NPIPB11: variants seen among roughly 807,000 people sequenced by gnomAD.
NPIPB11 encodes the protein nuclear pore complex-interacting protein family member B11.
A neutral mutation model predicts 32.8 loss-of-function variants in NPIPB11; 17 were observed. That is an observed-to-expected ratio of 0.52 (90% confidence interval 0.35 to 0.78). The LOEUF is 0.78. Ranked by LOEUF, NPIPB11 falls within the 30% of genes least tolerant of loss-of-function variation. The pLI is 0.01. For synonymous variants in NPIPB11, 209 were observed against 398.4 expected, an observed-to-expected ratio of 0.52 and a Z score of 5.66; for missense variants, 537 against 1,000.4, an observed-to-expected ratio of 0.54 and a Z score of 6.25.
chr16:29,395,921 T>C lies in NPIPB11; in HGVS notation c.121-1845A>G, dbSNP rs1963842242. On this transcript the variant is annotated intron_variant, in intron 2 of 7. Coordinates refer to ENST00000524087, the Ensembl canonical transcript of NPIPB11. ...TGAACCCGGGAGGCAGAGGTTGCAGTGAGCCGAGATTGCACCACTGCACTT... is the reference window on the plus strand; with the variant it reads ...TGAACCCGGGAGGCAGAGGTTGCAGCGAGCCGAGATTGCACCACTGCACTT... Among the ~76,000 whole-genome samples, 4 of 150,210 alleles carry C rather than the reference T, an allele frequency of 2.7e-5. No homozygotes were observed. The South Asian group carries it at 8.5e-4, about 32-fold the overall frequency.
intron 3 of NPIPB11, among the ~76,000 whole-genome samples, chr16:29,393,517 CT>C (rs1346158826): frequency 6.6e-6 from 1 of 151,968 alleles, no homozygotes; most frequent in African/African-American, 2.4e-5. Context: ...ATGTTTATGC[CT>C]GTTCTATGTT....
At position 29,382,254 on chromosome 16, in the gene NPIPB11, G is replaced by A. The variant is rs561337251; in HGVS notation, c.2678C>T (p.Ala893Val). ...GGAAGGTGTCTTGAGATTATCATCC[G>A]CTGAGGGTGGAAGCGGAACCCACAG... is the stretch of plus-strand genomic sequence containing the variant. The change falls in exon 8 of 8, where the codon GCG (alanine) becomes GTG (valine). Residue 893 changes from alanine (A) to valine (V), a missense_variant. Ala to Val is a moderately conservative substitution (Grantham distance 64). Coordinates refer to ENST00000524087, the Ensembl canonical transcript of NPIPB11. 3.9e-5 allele frequency: 62 copies of A among 1,602,206 alleles called. 1 individual carries two copies. The highest frequency in any genetic ancestry group is 2.3e-4 in the Middle Eastern group (1 of 4,416).
intron 2 of NPIPB11, among the ~76,000 whole-genome samples, 187 bp from the exon 3 acceptor site, chr16:29,394,263 G>T (rs1195678033): frequency 6.6e-6 from 1 of 152,030 alleles, no homozygotes; most frequent in African/African-American, 2.4e-5. Context: ...CAGATGGCTG[G>T]TAGTGTTTTC....
intron 2 of NPIPB11, chr16:29,397,695 C>T (rs550168630): frequency 1.6e-6 from 1 of 634,652 alleles, no homozygotes; most frequent in Admixed American, 2.6e-5. Flanking sequence ...GTGGAGGTGG[C>T]TTAGGGCAGG....
intron 2 of NPIPB11, chr16:29,397,557 C>G (rs576304928): frequency 2.6e-6 from 4 of 1,526,500 alleles, no homozygotes; most frequent in African/African-American, 2.8e-5. Context: ...GAGGGTCCAG[C>G]GTCTACTCAC....
At chr16:29,401,354 T>A (rs1215068118) in intron 2 of NPIPB11, among the ~76,000 whole-genome samples, 1 of 152,128 alleles carries the variant, frequency 6.6e-6, no homozygotes, top group African/African-American at 2.4e-5. Context: ...AGTCAGAGAT[T>A]TACTGACTCA....
exon 8 of NPIPB11, chr16:29,382,161 G>C (rs1963507793): frequency 2.0e-6 from 1 of 495,490 alleles, no homozygotes; most frequent in Non-Finnish European, 3.4e-6. Flanking sequence ...CAGACGCTCG[G>C]CAGGTGTCTT....
intron 2 of NPIPB11, among the ~76,000 whole-genome samples, chr16:29,394,479 G>A (rs1390278881): frequency 1.3e-5 from 2 of 149,782 alleles, no homozygotes; most frequent in Non-Finnish European, 3.0e-5. Flanking sequence ...CAGTCGCCCA[G>A]GCTGGAGTGA....
At chr16:29,390,422 T>G in intron 3 of NPIPB11, 74 bp from the exon 4 acceptor site, 6 of 1,594,840 alleles carry the variant, frequency 3.8e-6, no homozygotes, top group South Asian at 2.2e-5. Flanking sequence ...TTCGGGAAGC[T>G]GAGGCAGGTG....
intron 2 of NPIPB11, among the ~76,000 whole-genome samples, chr16:29,400,146 G>A (rs1963955468): frequency 6.6e-6 from 1 of 151,084 alleles, no homozygotes; most frequent in Non-Finnish European, 1.5e-5. Context: ...AGTAAGTGGG[G>A]GTTGAAGTCA....
intron 2 of NPIPB11, chr16:29,397,512 C>G: frequency 2.0e-6 from 3 of 1,481,742 alleles, no homozygotes; most frequent in African/African-American, 1.4e-5. Flanking sequence ...AATTTCATGC[C>G]GCGTGACACA....
intron 2 of NPIPB11, among the ~76,000 whole-genome samples, chr16:29,394,772 G>T (rs1484831637): frequency 2.7e-5 from 4 of 150,736 alleles, no homozygotes; most frequent in Non-Finnish European, 5.9e-5. Context: ...TTGAGATGGG[G>T]TCTCACTCTG....
At chr16:29,395,728 C>T (rs1331751369) in intron 2 of NPIPB11, among the ~76,000 whole-genome samples, 6 of 151,096 alleles carry the variant, frequency 4.0e-5, no homozygotes, top group South Asian at 2.1e-4. Flanking sequence ...GCCTGCAATC[C>T]CAGCACTTTG....
Position 29,402,426 on chromosome 16 carries a change from C to G in NPIPB11, c.120+1257G>C, listed in dbSNP as rs1047170058. On this transcript the variant is annotated intron_variant, in intron 2 of 7. Transcript: ENST00000524087. ...TTGTTAAAATAATTTTATCTTGGACCGGGTGCAGTGGCTCACACCTATAGT... is the reference window on the plus strand; with the variant it reads ...TTGTTAAAATAATTTTATCTTGGACGGGGTGCAGTGGCTCACACCTATAGT... Among the ~76,000 whole-genome samples the G allele has an allele frequency of 2.0e-3, 228 of 113,010 alleles. 3 individuals carry two copies. The highest frequency in any genetic ancestry group is 2.2e-3 in the African/African-American group (54 of 24,058). The allele number at this position is 113,010 out of a possible 152,430, so 74.1% of individuals were successfully genotyped here.
At chr16:29,404,790 G>C (rs1305613349), upstream of NPIPB11, among the ~76,000 whole-genome samples, 3 of 146,100 alleles carry the variant, frequency 2.1e-5, no homozygotes, top group Non-Finnish European at 3.0e-5. Context: ...ACCTGTGCCA[G>C]CCCTGTGAGG....
chr16:29,389,883 G>A lies in NPIPB11; in HGVS notation c.545+58C>T. ...AAATATTCTCAAGGACTTTACAGTT[G>A]TCTACTTTGATTGGCACATGGTTCC... On this transcript the variant is annotated intron_variant, in intron 5 of 7. Coordinates refer to ENST00000524087, the Ensembl canonical transcript of NPIPB11. The A allele has an allele frequency of 2.5e-6, 4 of 1,572,042 alleles. No individual in the cohort carries two copies. In the South Asian group the frequency reaches 3.4e-5, roughly 13 times the overall value.
At chr16:29,397,057 G>A (rs1482605476) in intron 2 of NPIPB11, among the ~76,000 whole-genome samples, 1 of 151,148 alleles carries the variant, frequency 6.6e-6, no homozygotes, top group Non-Finnish European at 1.5e-5. Flanking sequence ...TGTAATCTGA[G>A]CTACTCAGGA....
chr16:29,397,237 CTTTG>C (rs200062252), intron 2 of NPIPB11, among the ~76,000 whole-genome samples: 10,223 of 150,694 alleles, frequency 0.068, 607 homozygotes, highest in East Asian at 0.29. Context: ...TTTTGGTCCA[CTTTG>C]TTTGTTAGAG....
chr16:29,391,147 G>T (rs1963712648), intron 3 of NPIPB11, among the ~76,000 whole-genome samples: 1 of 133,686 alleles, frequency 7.5e-6, no homozygotes, highest in African/African-American at 2.9e-5. Flanking sequence ...CACGCCTGTA[G>T]TCCCAGCTAC....
Sources: allele counts gnomAD v4.1 joint callset (sites outside exome capture counted in the v4.1 genomes callset), GRCh38; gene constraint gnomAD v4.1.1; transcripts MANE v1.5; gene names NCBI Gene and HGNC (gene_info 2026-07-23, HGNC 2026-07-21).